Variants in ARMH4 observed in about 807,000 individuals in gnomAD.
The protein encoded by ARMH4 is armadillo like helical domain containing 4, also known as armadillo-like helical domain-containing protein 4.
A neutral mutation model predicts 61.9 loss-of-function variants in ARMH4; 49 were observed. That is an observed-to-expected ratio of 0.79 (90% confidence interval 0.63 to 1.00). The LOEUF (loss-of-function observed/expected upper bound fraction) is 1.00, where lower values mean the gene tolerates loss of function less well. Ranked by LOEUF, ARMH4 falls within the 50% of genes least tolerant of loss-of-function variation. ARMH4 has a pLI of 0.00. For synonymous variants in ARMH4, 368 were observed against 341.5 expected (o/e 1.08, Z -0.85); for missense variants, 934 against 930.0 (o/e 1.00, Z -0.06).
intron 5 of ARMH4, among the ~76,000 whole-genome samples, chr14:58,035,119 C>T (rs1883428094): frequency 6.8e-6 from 1 of 148,120 alleles, no homozygotes; most frequent in South Asian, 2.2e-4. Context: ...CAGCACCACA[C>T]CTATTCCAAA....
chr14:58,094,339 A>AAAAAAAAAAAAG (rs928379794), intron 5 of ARMH4, among the ~76,000 whole-genome samples: 2 of 151,800 alleles, frequency 1.3e-5, no homozygotes, highest in African/African-American at 4.8e-5. Context: ...CAAAAAAAAA[A>AAAAAAAAAAAAG]AAAAAGAACT....
At chr14:58,069,546 T>C (rs1173010047) in intron 5 of ARMH4, among the ~76,000 whole-genome samples, 1 of 152,212 alleles carries the variant, frequency 6.6e-6, no homozygotes, top group African/African-American at 2.4e-5. Flanking sequence ...GGAAAGGGAA[T>C]TCCAGACATA....
intron 5 of ARMH4, among the ~76,000 whole-genome samples, chr14:58,062,037 CACTT>C (rs1346489227): frequency 6.6e-6 from 1 of 151,902 alleles, no homozygotes; most frequent in Non-Finnish European, 1.5e-5. Context: ...CAAAATCACT[CACTT>C]AAGAAGAGCA....
At chr14:58,120,508 G>A (rs1447645878) in intron 4 of ARMH4, among the ~76,000 whole-genome samples, 1 of 151,942 alleles carries the variant, frequency 6.6e-6, no homozygotes, top group African/African-American at 2.4e-5. Context: ...GCCTTCTGTC[G>A]ATGAACAGAG....
chr14:58,114,672 C>T (rs1239095758), intron 4 of ARMH4, among the ~76,000 whole-genome samples: 1 of 152,056 alleles, frequency 6.6e-6, no homozygotes, highest in African/African-American at 2.4e-5. Flanking sequence ...TTTAAATTCT[C>T]CAATTTCAAA....
chr14:58,129,248 G>C (rs1887004224), intron 4 of ARMH4, among the ~76,000 whole-genome samples: 1 of 152,056 alleles, frequency 6.6e-6, no homozygotes, highest in South Asian at 2.1e-4. Context: ...GACTGATTTG[G>C]GCTGTTAGTT....
chr14:58,077,472 T>C (rs1292339117), intron 5 of ARMH4, among the ~76,000 whole-genome samples: 1 of 152,146 alleles, frequency 6.6e-6, no homozygotes, highest in Non-Finnish European at 1.5e-5. Context: ...TCAGGAAGCG[T>C]GGTGCACACC....
Position 58,063,679 on chromosome 14 carries a change from T to C in ARMH4, c.2089+33045A>G, listed in dbSNP as rs150895983. Among the ~76,000 whole-genome samples, 9 of 152,268 alleles carry C rather than the reference T, an allele frequency of 5.9e-5. No homozygotes were observed. In the East Asian group the frequency reaches 1.5e-3, roughly 26 times the overall value. ...GGAGAAGGACATGGCTGAACAACTT[T>C]TGCCAGGAACACTTTGGTACTGTCA... On this transcript the variant is annotated intron_variant, in intron 5 of 7. Coordinates refer to ENST00000267485, the MANE Select transcript of ARMH4 (RefSeq NM_001001872.4).
intron 5 of ARMH4, among the ~76,000 whole-genome samples, chr14:58,082,407 T>G (rs1289698017): frequency 1.3e-5 from 2 of 152,224 alleles, no homozygotes; most frequent in African/African-American, 4.8e-5. Flanking sequence ...TTGCTTCACT[T>G]TGCACACATA....
chr14:58,069,016 A>T (rs1425226418), intron 5 of ARMH4, among the ~76,000 whole-genome samples: 1 of 151,886 alleles, frequency 6.6e-6, no homozygotes, highest in African/African-American at 2.4e-5. Flanking sequence ...GAAAAAAAAA[A>T]AAAAAAGAGA....
chr14:58,018,324 G>C (rs910642328), intron 5 of ARMH4, among the ~76,000 whole-genome samples: 1 of 152,040 alleles, frequency 6.6e-6, no homozygotes, highest in Non-Finnish European at 1.5e-5. Context: ...ACAACCAACA[G>C]AGTGAAAAGA....
Position 58,137,973 on chromosome 14 carries a change from CTTTT to C in ARMH4, c.1369+13_1369+16del, listed in dbSNP as rs1257701223. Reference sequence around the variant, plus strand: ...CCAAATTAAACCAAAGTTTGTTTTTCTTTTTCTTTCTTTTACCTTTCATTGTATT... The same window carrying C: ...CCAAATTAAACCAAAGTTTGTTTTTCTCTTTCTTTTACCTTTCATTGTATT... On this transcript the variant is annotated intron_variant, in intron 2 of 7. Coordinates refer to ENST00000267485, the MANE Select transcript of ARMH4 (RefSeq NM_001001872.4). 6.4e-7 allele frequency: 1 copy of C among 1,561,314 alleles called. No individual in the cohort carries two copies. The highest frequency in any genetic ancestry group is 1.4e-5 in the African/African-American group (1 of 72,322).
chr14:58,022,160 A>C (rs567377860), intron 5 of ARMH4, among the ~76,000 whole-genome samples: 2 of 152,256 alleles, frequency 1.3e-5, no homozygotes, highest in East Asian at 3.9e-4. Context: ...TCTAGAATCC[A>C]CATGCAATCC....
intron 5 of ARMH4, among the ~76,000 whole-genome samples, chr14:58,043,815 A>G (rs902696438): frequency 6.6e-5 from 10 of 152,218 alleles, no homozygotes; most frequent in African/African-American, 2.4e-4. Flanking sequence ...CCAATAACAG[A>G]CAGACAGAGA....
chr14:58,125,930 G>A (rs191701097), intron 4 of ARMH4, among the ~76,000 whole-genome samples: 19 of 152,180 alleles, frequency 1.2e-4, no homozygotes, highest in Non-Finnish European at 2.5e-4. Flanking sequence ...GCTCACACCC[G>A]ACCAGTCAGA....
chr14:58,016,722 T>G (rs1347291636), intron 5 of ARMH4, among the ~76,000 whole-genome samples: 1 of 152,230 alleles, frequency 6.6e-6, no homozygotes, highest in East Asian at 1.9e-4. Flanking sequence ...CCCACTGTTT[T>G]GTTATCTTTC....
intron 5 of ARMH4, among the ~76,000 whole-genome samples, chr14:58,088,287 A>G (rs748404885): frequency 1.3e-5 from 2 of 152,144 alleles, no homozygotes; most frequent in East Asian, 1.9e-4. Flanking sequence ...ACAAGTAACC[A>G]ACAACTCAAA....
intron 5 of ARMH4, among the ~76,000 whole-genome samples, chr14:58,047,460 T>C (rs974680299): frequency 1.3e-5 from 2 of 152,190 alleles, no homozygotes; most frequent in Non-Finnish European, 1.5e-5. Context: ...GCCCTTTACA[T>C]AGAGTAATTT....
chr14:58,073,219 C>T (rs1258954237), intron 5 of ARMH4, among the ~76,000 whole-genome samples: 1 of 152,136 alleles, frequency 6.6e-6, no homozygotes, highest in African/African-American at 2.4e-5. Context: ...AAGAAACACA[C>T]CAAAAGCCTA....
Sources: allele counts gnomAD v4.1 joint callset (sites outside exome capture counted in the v4.1 genomes callset), GRCh38; gene constraint gnomAD v4.1.1; transcripts MANE v1.5; gene names NCBI Gene and HGNC (gene_info 2026-07-23, HGNC 2026-07-21).